LRFN5: variants seen among roughly 807,000 people sequenced by gnomAD.
The protein encoded by LRFN5 is leucine rich repeat and fibronectin type III domain containing 5.
A neutral mutation model predicts 45.6 loss-of-function variants in LRFN5; 24 were observed. The ratio of observed to expected loss-of-function variants is 0.53; its 90% CI spans 0.38 to 0.74. The LOEUF (loss-of-function observed/expected upper bound fraction) is 0.74. Ranked by LOEUF, LRFN5 falls within the 30% of genes least tolerant of loss-of-function variation. LRFN5 has a pLI of 0.00. For synonymous variants in LRFN5, 340 were observed against 313.8 expected (o/e 1.08, Z -0.88); for missense variants, 776 against 861.5 (o/e 0.90, Z 1.24).
chr14:41,673,901 T>TC (rs1160569851), intron 1 of LRFN5, among the ~76,000 whole-genome samples: 1 of 92,658 alleles, frequency 1.1e-5, no homozygotes, highest in African/African-American at 4.3e-5. Context: ...GGGGGACTGA[T>TC]CCCCCCACCT....
At chr14:41,851,005 G>A (rs775742333) in intron 2 of LRFN5, among the ~76,000 whole-genome samples, 1 of 151,688 alleles carries the variant, frequency 6.6e-6, no homozygotes, top group Admixed American at 6.6e-5. Context: ...TAGTAATAAC[G>A]AATAAACTAT....
Position 41,658,371 on chromosome 14 carries a change from C to T in LRFN5, c.-197+49809C>T, listed in dbSNP as rs1335373450. Among the ~76,000 whole-genome samples, 12 of 152,068 alleles carry T rather than the reference C, an allele frequency of 7.9e-5. No individual in the cohort carries two copies. The South Asian group carries it at 8.3e-4, about 11-fold the overall frequency. ...TGTGATTGGCACTTATACCATCTTC[C>T]TTTAATCATGACTTAATTAATACAT... On this transcript the variant is annotated intron_variant, in intron 1 of 5. Transcript: ENST00000298119.
At chr14:41,667,638 A>G (rs1483594314) in intron 1 of LRFN5, among the ~76,000 whole-genome samples, 2 of 152,122 alleles carry the variant, frequency 1.3e-5, no homozygotes, top group African/African-American at 2.4e-5. Context: ...GAATTTAAAC[A>G]TTCCTTTTTC....
At chr14:41,878,936 C>A (rs1247788204) in intron 2 of LRFN5, among the ~76,000 whole-genome samples, 1 of 152,092 alleles carries the variant, frequency 6.6e-6, no homozygotes, top group African/African-American at 2.4e-5. Flanking sequence ...TGCTTCTTTA[C>A]ATGAGATCTT....
chr14:41,622,069 A>T (rs983223432), intron 1 of LRFN5, among the ~76,000 whole-genome samples: 1 of 150,960 alleles, frequency 6.6e-6, no homozygotes, highest in African/African-American at 2.4e-5. Context: ...GAATCAATGC[A>T]CTATTTGATT....
chr14:41,867,978 A>G (rs552657698), intron 2 of LRFN5, among the ~76,000 whole-genome samples: 47 of 152,128 alleles, frequency 3.1e-4, no homozygotes, highest in Non-Finnish European at 5.7e-4. Flanking sequence ...GAAAGCATTA[A>G]TGTTTTCACT....
intron 1 of LRFN5, among the ~76,000 whole-genome samples, chr14:41,760,622 T>G (rs1207218622): frequency 2.0e-5 from 3 of 152,154 alleles, no homozygotes; most frequent in Non-Finnish European, 4.4e-5. Flanking sequence ...TGTGCAGTAT[T>G]ATGGTTTCTT....
intron 1 of LRFN5, among the ~76,000 whole-genome samples, chr14:41,635,846 T>A (rs1879281801): frequency 6.6e-6 from 1 of 152,120 alleles, no homozygotes; most frequent in Non-Finnish European, 1.5e-5. Context: ...ACTCAAGGTG[T>A]TATTATTAGA....
At chr14:41,790,145 T>C (rs745384796) in intron 2 of LRFN5, among the ~76,000 whole-genome samples, 7 of 151,972 alleles carry the variant, frequency 4.6e-5, no homozygotes, top group Non-Finnish European at 1.0e-4. Context: ...AGGTTTTCCA[T>C]TACCATTTAA....
At chr14:41,845,788 C>G (rs908926281) in intron 2 of LRFN5, among the ~76,000 whole-genome samples, 1 of 152,134 alleles carries the variant, frequency 6.6e-6, no homozygotes, top group Non-Finnish European at 1.5e-5. Context: ...ATGCATATAG[C>G]TAACCGCTGT....
chr14:41,665,415 T>C (rs1880850808), intron 1 of LRFN5, among the ~76,000 whole-genome samples: 1 of 152,082 alleles, frequency 6.6e-6, no homozygotes, highest in South Asian at 2.1e-4. Context: ...ACTTTAGAAA[T>C]GACTACCCTC....
In LRFN5 at chr14:41,887,511, A is replaced by G. The variant is rs1294836009; in HGVS notation, c.886A>G (p.Met296Val). 4 of 1,614,080 alleles carry G rather than the reference A, an allele frequency of 2.5e-6. No individual in the cohort carries two copies. The African/African-American group carries it at 4.0e-5, about 16-fold the overall frequency. Residue 296 changes from methionine (M) to valine (V), a missense_variant, in exon 3 of 6, where the codon ATG (methionine) becomes GTG (valine). Transcript: ENST00000298119. The surrounding 1 kb of genome is among the most constrained non-coding windows in gnomAD (Gnocchi z 4.8). ...TCTCATTACTCGTCATACACATGAG[A>G]TGAGAGTCCTGGAGGGACAAAGGGC... ...PPLITRHTHE[M>V]RVLEGQRATL...
chr14:41,699,403 T>C (rs1042208508), intron 1 of LRFN5: 1 of 151,978 alleles, frequency 6.6e-6, no homozygotes, highest in Non-Finnish European at 1.5e-5. Context: ...ACACAACTTA[T>C]AAAATTCAAA....
intron 1 of LRFN5, among the ~76,000 whole-genome samples, chr14:41,702,255 G>A (rs1882868532): frequency 6.6e-6 from 1 of 152,118 alleles, no homozygotes; most frequent in African/African-American, 2.4e-5. Flanking sequence ...ACTCAGAGAA[G>A]TTAAGTAGCT....
intron 2 of LRFN5, among the ~76,000 whole-genome samples, chr14:41,878,082 A>T (rs1466541791): frequency 6.6e-6 from 1 of 152,132 alleles, no homozygotes; most frequent in African/African-American, 2.4e-5. Context: ...TGCAGTTAAA[A>T]TGTTAGCATT....
intron 2 of LRFN5, among the ~76,000 whole-genome samples, chr14:41,839,550 C>T (rs1888787502): frequency 6.6e-6 from 1 of 152,088 alleles, no homozygotes; most frequent in Non-Finnish European, 1.5e-5. Flanking sequence ...TTGCCTGATG[C>T]TTTCCATACA....
chr14:41,839,407 A>T (rs1307973643), intron 2 of LRFN5, among the ~76,000 whole-genome samples: 1 of 152,108 alleles, frequency 6.6e-6, no homozygotes, highest in Admixed American at 6.6e-5. Context: ...GATCCTTAAG[A>T]TAGTATAATA....
chr14:41,737,407 C>A (rs527855662), intron 1 of LRFN5, among the ~76,000 whole-genome samples: 1 of 152,204 alleles, frequency 6.6e-6, no homozygotes, highest in African/African-American at 2.4e-5. Context: ...AATGAATGGG[C>A]AAAAGCTGGA....
At chr14:41,644,213 T>G (rs753984915) in intron 1 of LRFN5, among the ~76,000 whole-genome samples, 1 of 152,188 alleles carries the variant, frequency 6.6e-6, no homozygotes, top group African/African-American at 2.4e-5. Flanking sequence ...ATAACCAGTT[T>G]TGATAATATA....
Sources: allele counts gnomAD v4.1 joint callset (sites outside exome capture counted in the v4.1 genomes callset), GRCh38; gene constraint gnomAD v4.1.1; non-coding constraint Gnocchi (gnomAD v3.1); transcripts MANE v1.5; gene names NCBI Gene and HGNC (gene_info 2026-07-23, HGNC 2026-07-21).